The following FHOD3 variants were observed in gnomAD, a reference collection of about 807,000 sequenced individuals.
FHOD3 encodes the protein FH1/FH2 domain-containing protein 3.
FHOD3 carries 90 observed loss-of-function variants against 173.0 expected under a neutral mutation model. The observed-to-expected ratio is 0.52, with a 90% CI of 0.44 to 0.62. The LOEUF is 0.62. FHOD3 is among the 20% of genes least tolerant of loss of function. FHOD3 has a pLI of 0.00. For missense variants in FHOD3, 1,945 were observed against 2,034.7 expected (o/e 0.96, Z 0.85); for synonymous variants, 828 against 823.0 (o/e 1.01, Z -0.10).
Position 36,718,432 on chromosome 18 carries a change from C to T in FHOD3, c.3134C>T (p.Pro1045Leu), listed in dbSNP as rs982347747. The T allele has an allele frequency of 2.5e-6, 4 of 1,571,404 alleles. No homozygotes were observed. Among genetic ancestry groups the T allele is most frequent in the Non-Finnish European group, 3.5e-6 (4 of 1,153,398 alleles). ...PPPPPLLDSI[P>L]PPPVPGNLLV... ...CCTCCGCCCCTGTTGGACAGCATTC[C>T]TCCCCCTCCTGTCCCTGGTAATTTA... The change falls in exon 19 of 29, where the codon CCT becomes CTT. Residue 1045 changes from proline to leucine, a missense_variant. This residue lies in a region of FHOD3 where 1,099 missense variants were observed against 1,051.2 expected (regional missense o/e 1.05). Coordinates refer to ENST00000590592, the MANE Select transcript of FHOD3 (RefSeq NM_001281740.3).
At chr18:36,436,066 A>C (rs1035517198) in intron 3 of FHOD3, among the ~76,000 whole-genome samples, 1 of 152,346 alleles carries the variant, frequency 6.6e-6, no homozygotes, top group African/African-American at 2.4e-5. Context: ...TGCTGATATA[A>C]GAATTGTAAA....
chr18:36,298,454 C>T (rs2144278998), intron 1 of FHOD3, among the ~76,000 whole-genome samples: 1 of 152,306 alleles, frequency 6.6e-6, no homozygotes, highest in Non-Finnish European at 1.5e-5. Context: ...ACAAAACCTC[C>T]CTCAGGCCTC....
intron 12 of FHOD3, 39 bp downstream of exon 12, chr18:36,652,968 C>T (rs1332939884): frequency 4.7e-6 from 7 of 1,501,684 alleles, no homozygotes; most frequent in East Asian, 2.5e-5. Flanking sequence ...GAGATTAACT[C>T]GGGGAGGAGA....
intron 28 of FHOD3, among the ~76,000 whole-genome samples, chr18:36,775,802 G>T (rs1161690130): frequency 6.6e-6 from 1 of 152,240 alleles, no homozygotes; most frequent in Non-Finnish European, 1.5e-5. Flanking sequence ...TTGACACCGT[G>T]AGAACTGTCA....
intron 3 of FHOD3, among the ~76,000 whole-genome samples, chr18:36,457,481 A>T (rs571763850): frequency 9.2e-5 from 14 of 152,236 alleles, no homozygotes; most frequent in Admixed American, 7.8e-4. Flanking sequence ...TTTTGCAAAA[A>T]TTTTGTTTTA....
At position 36,693,274 on chromosome 18, in the gene FHOD3, G is replaced by A; in HGVS notation, c.2087G>A (p.Ser696Asn). 1.2e-6 allele frequency: 2 copies of A among 1,613,864 alleles called. No individual in the cohort carries two copies. The highest frequency in any genetic ancestry group is 1.7e-6 in the Non-Finnish European group (2 of 1,179,850). Residue 696 changes from serine (S) to asparagine (N), a missense_variant, in exon 17 of 29, where the codon AGC becomes AAC. Ser to Asn is a conservative substitution (Grantham distance 46). Transcript: ENST00000590592. The stretch of plus-strand genomic sequence containing the variant: ...AAGGAGCTGAGAAGCCGGAGTGTGA[G>A]CCGGGGCAGAGCCGACCTCTCCTTG... ...HEKELRSRSV[S>N]RGRADLSLDL...
chr18:36,565,556 C>T (rs2058233310), intron 5 of FHOD3, among the ~76,000 whole-genome samples: 1 of 152,232 alleles, frequency 6.6e-6, no homozygotes, highest in East Asian at 1.9e-4. Flanking sequence ...AAAATAAAAC[C>T]TAGTTACCAC....
At chr18:36,454,937 C>A (rs1430822423) in intron 3 of FHOD3, among the ~76,000 whole-genome samples, 1 of 152,216 alleles carries the variant, frequency 6.6e-6, no homozygotes, top group Admixed American at 6.5e-5. Flanking sequence ...TTTGCTCCCA[C>A]TTAGATTTCA....
Position 36,709,354 on chromosome 18 carries a change from G to A in FHOD3, c.2496G>A (p.Glu832=), listed in dbSNP as rs1224169052. 2 of 1,614,176 alleles carry A rather than the reference G, an allele frequency of 1.2e-6. No homozygotes were observed. The highest frequency in any genetic ancestry group is 1.7e-6 in the Non-Finnish European group (2 of 1,180,006). The change falls in exon 18 of 29, where the codon GAG becomes GAA. Residue 832 remains glutamate (E), a synonymous_variant. Transcript: ENST00000590592. The part of the protein sequence containing the change: ...VSSSSSTLER[E]EKEDKLSRDR... ...CCTCCAGCAGCACGTTGGAGAGGGA[G>A]GAGAAGGAGGACAAGCTCTCCAGGG...
intron 9 of FHOD3, among the ~76,000 whole-genome samples, chr18:36,622,138 A>C (rs1183301016): frequency 6.6e-6 from 1 of 152,234 alleles, no homozygotes; most frequent in Non-Finnish European, 1.5e-5. Context: ...AAATAGACTC[A>C]CAGAAGCAGA....
rs2035517555 is a variant in FHOD3 at position 36,644,082 on chromosome 18, T to A, written c.1197-5234T>A. ...CTGGTCAGGCTGCAGGCCTCTGGGTTGCTTTTCCAACTTGAAAACGGTGAC... is the reference window on the plus strand; with the variant it reads ...CTGGTCAGGCTGCAGGCCTCTGGGTAGCTTTTCCAACTTGAAAACGGTGAC... On this transcript the variant is annotated intron_variant, in intron 10 of 28. Coordinates refer to ENST00000590592, the MANE Select transcript of FHOD3 (RefSeq NM_001281740.3). 2.6e-5 allele frequency among the ~76,000 whole-genome samples: 4 copies of A among 152,168 alleles called. No individual in the cohort carries two copies. The South Asian group carries it at 8.3e-4, about 32-fold the overall frequency.
At chr18:36,712,132 C>T (rs1243677705) in intron 18 of FHOD3, among the ~76,000 whole-genome samples, 1 of 152,148 alleles carries the variant, frequency 6.6e-6, no homozygotes, top group Admixed American at 6.5e-5. Flanking sequence ...GTATGCTATA[C>T]CTAAAAAGGG....
At chr18:36,520,023 A>C (rs1024210846) in intron 5 of FHOD3, among the ~76,000 whole-genome samples, 2 of 148,442 alleles carry the variant, frequency 1.3e-5, no homozygotes, top group Non-Finnish European at 3.0e-5. Context: ...CACTGTTGCA[A>C]TCATAGCTCA....
At position 36,549,532 on chromosome 18, in the gene FHOD3, C is replaced by CTTTT. The variant is rs386387404; in HGVS notation, c.512-26899_512-26896dup. Among the ~76,000 whole-genome samples, 394 of 71,244 alleles carry CTTTT rather than the reference C, an allele frequency of 5.5e-3. 11 individuals are homozygous for CTTTT. The highest frequency in any genetic ancestry group is 0.016 in the East Asian group (35 of 2,180). 46.7% of individuals were successfully genotyped at this position (71,244 alleles called of 152,430 possible). On this transcript the variant is annotated intron_variant, in intron 5 of 28. Transcript: ENST00000590592. Reference sequence around the variant, plus strand: ...ACATTTAGTGTCAGATCTAAGAAATCTTTTTTTTTTTTTTTTTTTTTTTGA... The same window carrying CTTTT: ...ACATTTAGTGTCAGATCTAAGAAATCTTTTTTTTTTTTTTTTTTTTTTTTTTTGA...
chr18:36,555,350 A>G (rs1199826380), intron 5 of FHOD3, among the ~76,000 whole-genome samples: 1 of 151,028 alleles, frequency 6.6e-6, no homozygotes, highest in African/African-American at 2.4e-5. Flanking sequence ...GAGTTTTTTT[A>G]TTTGTTTATA....
intron 3 of FHOD3, among the ~76,000 whole-genome samples, chr18:36,413,836 A>T (rs2049484994): frequency 6.6e-6 from 1 of 152,234 alleles, no homozygotes; most frequent in Non-Finnish European, 1.5e-5. Flanking sequence ...TTGTGCAACC[A>T]TCACCAAAAA....
At chr18:36,577,296 G>GTATTT (rs61430389) in intron 6 of FHOD3, among the ~76,000 whole-genome samples, 6,162 of 151,784 alleles carry the variant, frequency 0.041, 313 homozygotes, top group East Asian at 0.15. Context: ...ACCAAACTAG[G>GTATTT]TATTTTATTT....
At chr18:36,764,622 A>G (rs1394241090) in intron 27 of FHOD3, among the ~76,000 whole-genome samples, 1 of 152,122 alleles carries the variant, frequency 6.6e-6, no homozygotes, top group Non-Finnish European at 1.5e-5. Flanking sequence ...TTTAAAGGAA[A>G]AGAAACATCT....
intron 14 of FHOD3, among the ~76,000 whole-genome samples, chr18:36,661,409 T>G (rs1382628008): frequency 2.0e-5 from 3 of 152,210 alleles, no homozygotes; most frequent in African/African-American, 7.2e-5. Context: ...ATACATATAT[T>G]ATTAAAACCA....
Sources: gnomAD v4.1 joint callset for allele counts (sites outside exome capture counted in the v4.1 genomes callset) on GRCh38, gnomAD v4.1.1 for gene constraint, gnomAD v4.1.1 regional missense constraint, MANE v1.5 for transcripts, NCBI Gene and HGNC (gene_info 2026-07-23, HGNC 2026-07-21) for gene names.